The following POLG2 variants were observed in gnomAD, a reference collection of about 807,000 sequenced individuals.
POLG2 encodes the protein DNA polymerase subunit gamma-2.
A neutral mutation model predicts 56.5 loss-of-function variants in POLG2; 50 were observed. The observed-to-expected ratio is 0.88, with a 90% CI of 0.71 to 1.12. The LOEUF is 1.12. Ranked by LOEUF, POLG2 falls within the 50% of genes most tolerant of loss-of-function variation. POLG2 has a pLI of 0.00. For synonymous variants in POLG2, 226 were observed against 222.6 expected (o/e 1.02, Z -0.14); for missense variants, 584 against 583.3 (o/e 1.00, Z -0.01).
Position 64,496,683 on chromosome 17 carries a change from G to T in POLG2, c.286C>A (p.His96Asn), listed in dbSNP as rs782357839. The T allele has an allele frequency of 8.1e-6, 13 of 1,613,870 alleles. No homozygotes were observed. The highest frequency in any genetic ancestry group is 1.1e-5 in the Non-Finnish European group (13 of 1,180,012). The change falls in exon 1 of 8, where the codon CAC becomes AAC. Residue 96 changes from histidine (H) to asparagine (N), a missense_variant. By Grantham distance (68) the His-to-Asn change is moderately conservative. Transcript: ENST00000539111. ...LSRDSLLSGC[H>N]PGFGPLGVEL... Reference sequence around the variant, plus strand: ...ACGCCCAAGGGTCCGAAGCCGGGGTGGCACCCACTCAGAAGAGAATCCCGG... The same window carrying T: ...ACGCCCAAGGGTCCGAAGCCGGGGTTGCACCCACTCAGAAGAGAATCCCGG...
chr17:64,494,592 C>T (rs1412063319), intron 1 of POLG2, among the ~76,000 whole-genome samples: 1 of 152,072 alleles, frequency 6.6e-6, no homozygotes, highest in African/African-American at 2.4e-5. Context: ...CCGCCCCCGA[C>T]CTCTAGGGTC....
In POLG2 at chr17:64,492,745, T is replaced by TA; in HGVS notation, c.716dup (p.Leu239PhefsTer15). 2.5e-6 allele frequency: 4 copies of TA among 1,613,012 alleles called. No homozygotes were observed. The highest frequency in any genetic ancestry group is 3.4e-6 in the Non-Finnish European group (4 of 1,179,208). ...AAGTTCTCGGAGGAGTAAACCATAC[T>TA]AACGAAGCTTCAGTCTTCTCACCAA... On this transcript the variant is annotated frameshift_variant, in exon 3 of 8. Transcript: ENST00000539111. LOFTEE classifies it high-confidence loss of function.
Position 64,490,915 on chromosome 17 carries a change from G to T in POLG2, c.850C>A (p.Arg284=). The change falls in exon 4 of 8, where the codon CGG becomes AGG. Residue 284 remains arginine, a synonymous_variant. Transcript: ENST00000539111. ...SSSDCQDEEG[R]KGNKLYYNFP... ...TTGTAGTAAAGTTTGTTTCCTTTCC[G>T]GCCTTCTTCATCCTGACAGTCACTG... 1 of 1,613,704 alleles carries T rather than the reference G, an allele frequency of 6.2e-7. No individual in the cohort carries two copies. Among genetic ancestry groups the T allele is most frequent in the Non-Finnish European group, 8.5e-7 (1 of 1,179,722 alleles).
rs1432385701 is a variant in POLG2, at chr17:64,480,394, A to G, written c.1192-5T>C. Reference sequence around the variant, plus strand: ...ATTAAATAGCCCTTGACAAACCTAGAAAGAAATAGAAAAACTTCAAATATG... The same window carrying G: ...ATTAAATAGCCCTTGACAAACCTAGGAAGAAATAGAAAAACTTCAAATATG... On this transcript the variant is annotated splice_polypyrimidine_tract_variant and splice_region_variant and intron_variant, in intron 6 of 7. Transcript: ENST00000539111. 1.4e-6 allele frequency: 2 copies of G among 1,381,658 alleles called. No homozygotes were observed. The highest frequency in any genetic ancestry group is 2.8e-5 in the African/African-American group (2 of 70,490). 85.6% of individuals were successfully genotyped at this position (1,381,658 alleles called of 1,614,324 possible). A position where few individuals can be genotyped will look rare whatever the true frequency, so the allele number is the denominator to read the frequency against.
rs782004592 is a variant in POLG2, at chr17:64,485,808, G to C, written c.1030C>G (p.Arg344Gly). 1 of 1,612,060 alleles carries C rather than the reference G, an allele frequency of 6.2e-7. No individual in the cohort carries two copies. The highest frequency in any genetic ancestry group is 8.5e-7 in the Non-Finnish European group (1 of 1,178,134). The change falls in exon 5 of 8, where the codon CGA becomes GGA. Residue 344 changes from arginine (R) to glycine (G), a missense_variant. Coordinates refer to ENST00000539111, the MANE Select transcript of POLG2 (RefSeq NM_007215.4). ...TCATAGAGGTAGGCCAGCATGCCTC[G>C]GTCTAGGTCCCCATTTACAGAGAGA... ...CVLSVNGDLD[R>G]GMLAYLYDSF... is the part of the protein sequence containing the mutation.
chr17:64,496,334 C>T, intron 1 of POLG2, 73 bp downstream of exon 1: 2 of 981,258 alleles, frequency 2.0e-6, no homozygotes, highest in South Asian at 1.5e-5. Flanking sequence ...CAGTTGCAAT[C>T]CCCAAGATCC....
chr17:64,482,868 G>C (rs527603329), intron 6 of POLG2, 51 bp downstream of exon 6: 2 of 1,066,646 alleles, frequency 1.9e-6, no homozygotes, highest in East Asian at 4.7e-5. Context: ...AAGCGTTTTT[G>C]GATAATACTC....
At chr17:64,489,698 A>C (rs1555668158) in intron 4 of POLG2, among the ~76,000 whole-genome samples, 1 of 152,026 alleles carries the variant, frequency 6.6e-6, no homozygotes, top group Non-Finnish European at 1.5e-5. Flanking sequence ...TTGAGGTTGC[A>C]GTGAGCTATC....
In POLG2 at chr17:64,477,934, C is replaced by T; in HGVS notation, c.1347G>A (p.Glu449=). 1 of 1,613,972 alleles carries T rather than the reference C, an allele frequency of 6.2e-7. No individual in the cohort carries two copies. Among genetic ancestry groups the T allele is most frequent in the Admixed American group, 1.7e-5 (1 of 60,002 alleles). ...TGCTTCTCAGATGTATTAATCCATT[C>T]TCCAAAGTAGTTTCAGTAACCAAAA... ...FTVLVTETTL[E]NGLIHLRSRD... Residue 449 remains glutamate (E), a synonymous_variant, in exon 8 of 8, where the codon GAG becomes GAA. Transcript: ENST00000539111.
intron 4 of POLG2, among the ~76,000 whole-genome samples, chr17:64,488,238 A>G (rs2037992316): frequency 6.6e-6 from 1 of 152,128 alleles, no homozygotes; most frequent in Non-Finnish European, 1.5e-5. Context: ...GGCCTCAGAA[A>G]CATTTCAAGA....
intron 7 of POLG2, 80 bp downstream of exon 7, chr17:64,480,209 A>G: frequency 2.4e-6 from 1 of 412,082 alleles, no homozygotes; most frequent in South Asian, 4.0e-5. Context: ...TAAATTTAGA[A>G]GAGATTTGTT....
intron 4 of POLG2, among the ~76,000 whole-genome samples, chr17:64,489,918 A>G (rs2038027253): frequency 6.6e-6 from 1 of 151,818 alleles, no homozygotes; most frequent in Admixed American, 6.6e-5. Context: ...ATTAATTACT[A>G]GTTAATTTTT....
chr17:64,494,519 T>C (rs534828653), intron 1 of POLG2, among the ~76,000 whole-genome samples: 50 of 152,294 alleles, frequency 3.3e-4, no homozygotes, highest in African/African-American at 1.2e-3. Context: ...TTCTAATGTA[T>C]CTTTCCTTCT....
chr17:64,483,138 A>G (rs1476582129), intron 5 of POLG2, 139 bp from the exon 6 acceptor site: 2 of 572,652 alleles, frequency 3.5e-6, no homozygotes, highest in Admixed American at 3.1e-5. Flanking sequence ...GTGAAAACAG[A>G]AGTTAGCTGA....
At chr17:64,483,433 T>G (rs546227482) in intron 5 of POLG2, among the ~76,000 whole-genome samples, 1 of 151,692 alleles carries the variant, frequency 6.6e-6, no homozygotes, top group Admixed American at 6.6e-5. Context: ...GAAGAATGCT[T>G]GACCCGGGAG....
chr17:64,483,493 G>A (rs1441358384), intron 5 of POLG2, among the ~76,000 whole-genome samples: 2 of 147,644 alleles, frequency 1.4e-5, no homozygotes, highest in Non-Finnish European at 3.0e-5. Flanking sequence ...TAGTCTGGGC[G>A]ACAGAGTGAG....
chr17:64,481,850 GGGTAACAGAGCA>G (rs1555666534), intron 6 of POLG2, among the ~76,000 whole-genome samples: 3 of 151,450 alleles, frequency 2.0e-5, no homozygotes, highest in Admixed American at 6.6e-5. Context: ...ACTCCAGCCT[GGGTAACAGAGCA>G]AGACTCCGTC....
At chr17:64,478,469 C>T (rs1255481870) in intron 7 of POLG2, among the ~76,000 whole-genome samples, 2 of 152,152 alleles carry the variant, frequency 1.3e-5, no homozygotes, top group Non-Finnish European at 2.9e-5. Flanking sequence ...CAGATAGATG[C>T]ACGGCTGACC....
chr17:64,491,132 A>AT lies in POLG2; in HGVS notation c.796-164dup, dbSNP rs56152158. Among the ~76,000 whole-genome samples, 23 of 151,638 alleles carry AT rather than the reference A, an allele frequency of 1.5e-4. No individual in the cohort carries two copies. The East Asian group carries it at 3.7e-3, about 24-fold the overall frequency. On this transcript the variant is annotated intron_variant, in intron 3 of 7. Coordinates refer to ENST00000539111, the MANE Select transcript of POLG2 (RefSeq NM_007215.4). ...AATTTTAAAGTTTATTCTAATTTAC[A>AT]TTTTTTTTTGAGATGTGTCTCATTC... is the stretch of plus-strand genomic sequence containing the variant.
Sources: gnomAD v4.1 joint callset for allele counts (sites outside exome capture counted in the v4.1 genomes callset) on GRCh38, gnomAD v4.1.1 for gene constraint, MANE v1.5 for transcripts, NCBI Gene and HGNC (gene_info 2026-07-23, HGNC 2026-07-21) for gene names.